The following DPY19L1 variants were observed in gnomAD, a reference collection of about 807,000 sequenced individuals.
DPY19L1 encodes dpy-19 like C-mannosyltransferase 1.
Under a neutral mutation model 96.9 loss-of-function variants are expected in DPY19L1, and 35 were observed. The ratio of observed to expected loss-of-function variants is 0.36; its 90% confidence interval spans 0.28 to 0.48. The LOEUF (loss-of-function observed/expected upper bound fraction) is 0.48. DPY19L1 is among the 20% of genes least tolerant of loss of function. DPY19L1 has a pLI of 0.99. For missense variants in DPY19L1, 521 were observed against 777.9 expected, an observed-to-expected ratio of 0.67 and a Z score of 3.93; for synonymous variants, 205 against 252.6, an observed-to-expected ratio of 0.81 and a Z score of 1.79.
At chr7:34,960,529 C>T (rs1203923788) in intron 10 of DPY19L1, among the ~76,000 whole-genome samples, 1 of 152,036 alleles carries the variant, frequency 6.6e-6, no homozygotes, top group African/African-American at 2.4e-5. Flanking sequence ...ATTTGGATTT[C>T]TCAAGTATTC....
chr7:34,944,940 C>T (rs1784110690), intron 16 of DPY19L1, among the ~76,000 whole-genome samples: 1 of 152,164 alleles, frequency 6.6e-6, no homozygotes, highest in African/African-American at 2.4e-5. Context: ...GTGAAAAGGT[C>T]TTCACTTTAA....
chr7:35,012,165 T>C lies in DPY19L1; in HGVS notation c.550-715A>G, dbSNP rs557915095. Among the ~76,000 whole-genome samples the C allele has an allele frequency of 2.0e-5, 3 of 152,342 alleles. 1 individual carries two copies. Among genetic ancestry groups the C allele is most frequent in the African/African-American group, 4.8e-5 (2 of 41,590 alleles). On this transcript the variant is annotated intron_variant, in intron 4 of 21. Transcript: ENST00000638088. Reference sequence around the variant, plus strand: ...CTACCCACGGGCAATCTGCATCTGATGACCGACTAGTCAATAGGGAAAGAC... The same window carrying C: ...CTACCCACGGGCAATCTGCATCTGACGACCGACTAGTCAATAGGGAAAGAC...
chr7:35,002,417 GA>G (rs1244269916), intron 6 of DPY19L1, among the ~76,000 whole-genome samples: 1 of 151,886 alleles, frequency 6.6e-6, no homozygotes, highest in Non-Finnish European at 1.5e-5. Context: ...CAAAGCCAAA[GA>G]GCTTAAAAAT....
intron 6 of DPY19L1, among the ~76,000 whole-genome samples, chr7:34,997,581 G>A (rs1210503718): frequency 7.2e-6 from 1 of 138,398 alleles, no homozygotes; most frequent in Non-Finnish European, 1.5e-5. Flanking sequence ...CTGCACTCCA[G>A]CCTGGGCAAC....
At chr7:34,991,643 G>A (rs1448304278) in intron 6 of DPY19L1, among the ~76,000 whole-genome samples, 2 of 152,070 alleles carry the variant, frequency 1.3e-5, no homozygotes. Context: ...ACTCTAACAA[G>A]ACAAAAAATA....
At chr7:34,994,799 G>A (rs1486655623) in intron 6 of DPY19L1, among the ~76,000 whole-genome samples, 13 of 147,362 alleles carry the variant, frequency 8.8e-5, no homozygotes, top group African/African-American at 2.3e-4. Flanking sequence ...GCAAGATTCC[G>A]TCTCAAAAAA....
intron 7 of DPY19L1, among the ~76,000 whole-genome samples, chr7:34,976,085 A>C (rs1327936524): frequency 1.3e-5 from 2 of 152,192 alleles, no homozygotes; most frequent in Non-Finnish European, 2.9e-5. Flanking sequence ...TATTTAAGAG[A>C]TATGTTTCAT....
chr7:34,955,707 T>C (rs1039130991), intron 11 of DPY19L1, among the ~76,000 whole-genome samples: 8 of 152,172 alleles, frequency 5.3e-5, no homozygotes, highest in Admixed American at 4.6e-4. Flanking sequence ...AGGCATAAGA[T>C]TTTCCTTTAG....
At chr7:34,959,910 TATATATATATATATTTATA>T (rs1562806884) in intron 10 of DPY19L1, among the ~76,000 whole-genome samples, 3 of 19,642 alleles carry the variant, frequency 1.5e-4, no homozygotes, top group African/African-American at 3.9e-4. Flanking sequence ...TATATATATA[TATATATATATATATTTATA>T]TATATATATA....
At chr7:34,939,783 A>G (rs1783957175) in intron 19 of DPY19L1, among the ~76,000 whole-genome samples, 1 of 152,240 alleles carries the variant, frequency 6.6e-6, no homozygotes, top group South Asian at 2.1e-4. Flanking sequence ...ACACATGAAT[A>G]AAATGTCACA....
intron 1 of DPY19L1, among the ~76,000 whole-genome samples, chr7:35,028,253 G>A (rs1023067071): frequency 6.6e-6 from 1 of 152,146 alleles, no homozygotes; most frequent in Non-Finnish European, 1.5e-5. Flanking sequence ...CAACGAAGAG[G>A]ATGCACTAGC....
intron 6 of DPY19L1, among the ~76,000 whole-genome samples, chr7:34,999,715 AGT>A (rs1007314034): frequency 6.6e-6 from 1 of 152,352 alleles, no homozygotes; most frequent in African/African-American, 2.4e-5. Flanking sequence ...GTACAAAATA[AGT>A]GTTTACAGTT....
In DPY19L1 at chr7:35,010,126, A is replaced by G. The variant is rs551831950; in HGVS notation, c.764+342T>C. 4.6e-5 allele frequency among the ~76,000 whole-genome samples: 7 copies of G among 151,456 alleles called. No individual in the cohort carries two copies. In the East Asian group the frequency reaches 7.8e-4, roughly 17 times the overall value. On this transcript the variant is annotated intron_variant, in intron 6 of 21. Coordinates refer to ENST00000638088, the MANE Select transcript of DPY19L1 (RefSeq NM_001366673.1). ...GCACCTATAGTCCCAGCTACTCAGGAGGCTGAAGTGGGAGGATCGCTTGAA... is the reference window on the plus strand; with the variant it reads ...GCACCTATAGTCCCAGCTACTCAGGGGGCTGAAGTGGGAGGATCGCTTGAA...
upstream of DPY19L1, chr7:35,038,000 G>T (rs1786491978): frequency 3.0e-6 from 3 of 1,004,998 alleles, no homozygotes; most frequent in Non-Finnish European, 3.8e-6. Context: ...CAGGCGAGAC[G>T]CGGCGGGGCA....
At chr7:34,944,790 C>A (rs1784107434) in intron 16 of DPY19L1, among the ~76,000 whole-genome samples, 1 of 152,154 alleles carries the variant, frequency 6.6e-6, no homozygotes, top group South Asian at 2.1e-4. Flanking sequence ...CTAGAGGGTA[C>A]ACTTGCACTG....
chr7:35,011,510 A>C (rs1469640564), intron 4 of DPY19L1, 60 bp from the exon 5 acceptor site: 33 of 1,458,618 alleles, frequency 2.3e-5, no homozygotes, highest in Non-Finnish European at 2.8e-5. Flanking sequence ...TCATTACTAG[A>C]ATACTTTTGA....
chr7:35,011,496 A>G (rs749948793), intron 4 of DPY19L1, 46 bp from the exon 5 acceptor site: 7 of 1,512,306 alleles, frequency 4.6e-6, no homozygotes, highest in Admixed American at 2.1e-5. Flanking sequence ...ATACTAAACA[A>G]TTTTCATTAC....
At chr7:34,955,169 T>A in intron 12 of DPY19L1, 139 bp downstream of exon 12, 1 of 949,264 alleles carries the variant, frequency 1.1e-6, no homozygotes. Context: ...ATTTGGTACA[T>A]TAAAACTGAG....
chr7:34,940,239 A>G lies in DPY19L1; in HGVS notation c.1778T>C (p.Leu593Pro), dbSNP rs1783973264. The G allele has an allele frequency of 1.2e-6, 2 of 1,612,100 alleles. No homozygotes were observed. The highest frequency in any genetic ancestry group is 1.7e-6 in the Non-Finnish European group (2 of 1,179,752). The change falls in exon 19 of 22, where the codon CTG becomes CCG. Residue 593 changes from leucine to proline, a missense_variant. Physicochemically the swap from Leu to Pro is moderately conservative, Grantham distance 98. Transcript: ENST00000638088. ...AAMSIQGSAN[L>P]QTQWNIVGEF... is the part of the protein sequence containing the mutation. ...CCCTACAATATTCCACTGGGTTTGC[A>G]GATTTGCTGAACCTTGTATTGACAT... is the stretch of plus-strand genomic sequence containing the variant.
Sources: allele counts gnomAD v4.1 joint callset (sites outside exome capture counted in the v4.1 genomes callset), GRCh38; gene constraint gnomAD v4.1.1; transcripts MANE v1.5; gene names NCBI Gene and HGNC (gene_info 2026-07-23, HGNC 2026-07-21).